ACCSL: variants seen among roughly 807,000 people sequenced by gnomAD.
ACCSL encodes the protein 1-aminocyclopropane-1-carboxylate synthase homolog (inactive) like.
Under a neutral mutation model 61.7 loss-of-function variants are expected in ACCSL, and 55 were observed. The ratio of observed to expected loss-of-function variants is 0.89; its 90% CI spans 0.72 to 1.12. The LOEUF (loss-of-function observed/expected upper bound fraction) is 1.12. Among genes scored for constraint, ACCSL ranks in the 50% most tolerant of loss-of-function variants. ACCSL has a pLI of 0.00. For missense variants in ACCSL, 632 were observed against 698.0 expected, an observed-to-expected ratio of 0.91 and a Z score of 1.07; for synonymous variants, 258 against 264.3, an observed-to-expected ratio of 0.98 and a Z score of 0.23.
chr11:44,005,415 G>A, the ACCSL span, among the ~76,000 whole-genome samples: 2 of 152,144 alleles, frequency 1.3e-5, no homozygotes, highest in African/African-American at 4.8e-5. Flanking sequence ...TGAGGACAAA[G>A]GGGTTCCACT....
At chr11:43,976,995 A>AC in the ACCSL span, among the ~76,000 whole-genome samples, 3 of 152,228 alleles carry the variant, frequency 2.0e-5, no homozygotes, top group Admixed American at 6.5e-5. Flanking sequence ...TCCCATTAGG[A>AC]CCAGGACAGA....
At chr11:44,043,743 C>T (rs572661613), upstream of ACCSL, among the ~76,000 whole-genome samples, 4 of 152,230 alleles carry the variant, frequency 2.6e-5, no homozygotes, top group South Asian at 8.3e-4. Flanking sequence ...ATGCCTTATT[C>T]CAGAAAGCTT....
At chr11:43,950,369 G>A in the ACCSL span, among the ~76,000 whole-genome samples, 1 of 152,222 alleles carries the variant, frequency 6.6e-6, no homozygotes. Context: ...TTGTCTCAGA[G>A]ATATTTTGGG....
chr11:44,033,221 A>G, the ACCSL span, among the ~76,000 whole-genome samples: 3 of 152,100 alleles, frequency 2.0e-5, no homozygotes, highest in African/African-American at 7.2e-5. Context: ...CAGAGGAGAA[A>G]CTGAAGCCCA....
At chr11:43,959,954 T>C in the ACCSL span, among the ~76,000 whole-genome samples, 1 of 152,108 alleles carries the variant, frequency 6.6e-6, no homozygotes, top group South Asian at 2.1e-4. Context: ...ACAGGAGGCT[T>C]GGGACCCCCT....
chr11:43,998,327 G>A, the ACCSL span, among the ~76,000 whole-genome samples: 4 of 152,174 alleles, frequency 2.6e-5, no homozygotes, highest in Non-Finnish European at 5.9e-5. Flanking sequence ...TCTTACCTGA[G>A]CCCCAGATCT....
At chr11:44,030,603 T>G in the ACCSL span, among the ~76,000 whole-genome samples, 1 of 152,178 alleles carries the variant, frequency 6.6e-6, no homozygotes, top group South Asian at 2.1e-4. Flanking sequence ...AATTTTTGTG[T>G]GTCCCTTGCT....
At chr11:43,981,904 A>G in the ACCSL span, among the ~76,000 whole-genome samples, 1 of 152,222 alleles carries the variant, frequency 6.6e-6, no homozygotes, top group East Asian at 1.9e-4. Context: ...ACCTCCCTTC[A>G]AAACATTCTC....
chr11:44,047,927 T>A, upstream of ACCSL: 1 of 1,346,930 alleles, frequency 7.4e-7, no homozygotes, highest in Non-Finnish European at 1.0e-6. Flanking sequence ...TCTGTCTCCA[T>A]CCATTCCTGG....
the ACCSL span, among the ~76,000 whole-genome samples, chr11:43,949,356 T>G: frequency 8.3e-4 from 127 of 152,244 alleles, no homozygotes; most frequent in Non-Finnish European, 1.4e-3. Context: ...CATCTCTGCA[T>G]GGGGAATAAG....
the ACCSL span, among the ~76,000 whole-genome samples, chr11:44,033,454 A>G: frequency 6.6e-6 from 1 of 152,250 alleles, no homozygotes; most frequent in Admixed American, 6.5e-5. Context: ...AGTGCCTGCC[A>G]AAGCCAGATA....
chr11:44,053,094 A>T (rs758069020), intron 7 of ACCSL, 26 bp downstream of exon 7: 3 of 1,592,520 alleles, frequency 1.9e-6, no homozygotes, highest in Non-Finnish European at 2.6e-6. Context: ...TATTTTTAGG[A>T]TGGCCACTGC....
chr11:43,967,167 CTTTTTTTTTTTTTTTTT>C, the ACCSL span, among the ~76,000 whole-genome samples: 2 of 62,696 alleles, frequency 3.2e-5, no homozygotes, highest in Admixed American at 2.7e-4. Context: ...TCTTCTTCTT[CTTTTTTTTTTTTTTTTT>C]TTTTTTTTTT....
the ACCSL span, among the ~76,000 whole-genome samples, chr11:44,013,764 C>CAAAAAAACAAAAACA: frequency 1.3e-5 from 2 of 151,892 alleles, no homozygotes; most frequent in African/African-American, 2.4e-5. Context: ...AAAACAAAAA[C>CAAAAAAACAAAAACA]AAAAAAACAG....
chr11:43,957,617 C>T, the ACCSL span, among the ~76,000 whole-genome samples: 4 of 152,168 alleles, frequency 2.6e-5, no homozygotes, highest in Non-Finnish European at 5.9e-5. Context: ...TTTGCAGGGC[C>T]ATTTCAAAAT....
the ACCSL span, among the ~76,000 whole-genome samples, chr11:43,942,073 T>TGC: frequency 4.7e-4 from 64 of 136,652 alleles, 1 homozygote; most frequent in African/African-American, 1.7e-3. Context: ...TGTGTGTGTG[T>TGC]GTGCGCGCGC....
the ACCSL span, among the ~76,000 whole-genome samples, chr11:43,954,132 T>A: frequency 2.6e-5 from 4 of 152,324 alleles, no homozygotes; most frequent in Middle Eastern, 3.4e-3. Context: ...TATCCTGTGC[T>A]TTGACCTGGA....
At chr11:44,008,489 C>T in the ACCSL span, among the ~76,000 whole-genome samples, 1 of 152,328 alleles carries the variant, frequency 6.6e-6, no homozygotes, top group East Asian at 1.9e-4. Flanking sequence ...CTTCTTCTGT[C>T]GTTGTGAACA....
the ACCSL span, among the ~76,000 whole-genome samples, chr11:43,962,469 G>GC: frequency 6.6e-6 from 1 of 152,198 alleles, no homozygotes; most frequent in Non-Finnish European, 1.5e-5. Flanking sequence ...AAAGGAAAAG[G>GC]CAAGTGTCTA....
Sources: gnomAD v4.1 joint callset for allele counts (sites outside exome capture counted in the v4.1 genomes callset) on GRCh38, gnomAD v4.1.1 for gene constraint, MANE v1.5 for transcripts, NCBI Gene and HGNC (gene_info 2026-07-23, HGNC 2026-07-21) for gene names.